The following WDFY4 variants were observed in gnomAD, a reference collection of about 807,000 sequenced individuals.
WDFY4 encodes WD repeat- and FYVE domain-containing protein 4.
WDFY4 carries 169 observed loss-of-function variants against 351.9 expected under a neutral mutation model. That is an observed-to-expected ratio of 0.48 (90% CI 0.42 to 0.55). The LOEUF (loss-of-function observed/expected upper bound fraction) is 0.55. Among genes scored for constraint, WDFY4 ranks in the 20% least tolerant of loss-of-function variants. The pLI, the probability that WDFY4 is intolerant of heterozygous loss-of-function variation, is 0.00. For synonymous variants in WDFY4, 1,622 were observed against 1,574.6 expected, an observed-to-expected ratio of 1.03 and a Z score of -0.71; for missense variants, 3,803 against 3,935.6, an observed-to-expected ratio of 0.97 and a Z score of 0.90.
At chr10:48,905,696 A>G (rs1244317522) in intron 47 of WDFY4, among the ~76,000 whole-genome samples, 1 of 152,230 alleles carries the variant, frequency 6.6e-6, no homozygotes, top group Non-Finnish European at 1.5e-5. Context: ...CAAAATGCGG[A>G]CACCCCGCAG....
intron 8 of WDFY4, among the ~76,000 whole-genome samples, chr10:48,730,333 TAAG>T (rs1451993001): frequency 1.3e-5 from 2 of 152,112 alleles, no homozygotes; most frequent in Non-Finnish European, 2.9e-5. Context: ...GAGTTCAGGT[TAAG>T]AAGGGCCATT....
chr10:48,788,211 T>C (rs2132724240), intron 20 of WDFY4, among the ~76,000 whole-genome samples: 1 of 151,994 alleles, frequency 6.6e-6, no homozygotes, highest in African/African-American at 2.4e-5. Context: ...GTACTTTTAG[T>C]AGAGACGAGA....
intron 47 of WDFY4, chr10:48,909,427 C>T (rs1016606585): frequency 2.0e-5 from 3 of 151,926 alleles, no homozygotes; most frequent in Non-Finnish European, 2.9e-5. Context: ...ATTGGAGTTG[C>T]TTGAGGTATC....
intron 43 of WDFY4, among the ~76,000 whole-genome samples, chr10:48,890,235 T>TC (rs2070635688): frequency 6.6e-6 from 1 of 152,236 alleles, no homozygotes; most frequent in African/African-American, 2.4e-5. Context: ...TGGTGAACTT[T>TC]CCTCACAGTT....
intron 23 of WDFY4, among the ~76,000 whole-genome samples, chr10:48,792,224 C>A (rs1324707475): frequency 1.3e-5 from 2 of 152,152 alleles, no homozygotes; most frequent in African/African-American, 4.8e-5. Context: ...AAGCACCCTC[C>A]TTCTGTTTTC....
At chr10:48,926,400 T>G (rs1839572606) in intron 47 of WDFY4, among the ~76,000 whole-genome samples, 1 of 152,204 alleles carries the variant, frequency 6.6e-6, no homozygotes, top group African/African-American at 2.4e-5. Context: ...GGAACTGCAA[T>G]GTCACCCCCT....
At chr10:48,720,537 A>C (rs1247612410) in intron 3 of WDFY4, among the ~76,000 whole-genome samples, 1 of 151,804 alleles carries the variant, frequency 6.6e-6, no homozygotes, top group African/African-American at 2.4e-5. Flanking sequence ...AGACACATAC[A>C]GAGACTACTC....
intron 39 of WDFY4, among the ~76,000 whole-genome samples, chr10:48,864,297 T>A (rs1371149214): frequency 6.6e-6 from 1 of 152,250 alleles, no homozygotes; most frequent in Non-Finnish European, 1.5e-5. Context: ...TTATTTTGCA[T>A]ATGGCTATTT....
At chr10:48,696,526 C>A (rs188613467) in intron 1 of WDFY4, among the ~76,000 whole-genome samples, 1 of 152,370 alleles carries the variant, frequency 6.6e-6, no homozygotes, top group African/African-American at 2.4e-5. Flanking sequence ...ATCTCTACGG[C>A]CCTGTCCTGA....
At chr10:48,751,625 G>A (rs2065185089) in intron 12 of WDFY4, among the ~76,000 whole-genome samples, 1 of 152,184 alleles carries the variant, frequency 6.6e-6, no homozygotes, top group Non-Finnish European at 1.5e-5. Flanking sequence ...GTGGCTGTCT[G>A]GAGTAATCAG....
rs2063951470 is a variant in WDFY4, at chr10:48,717,667, A to T, written c.235-2344A>T. On this transcript the variant is annotated intron_variant, in intron 2 of 61. Coordinates refer to ENST00000325239, the MANE Select transcript of WDFY4 (RefSeq NM_001394531.1). Reference sequence around the variant, plus strand: ...TTTTTATAGACTCATACTGTAATATACTTTTACAACTTGCTTTTTCCAGTC... The same window carrying T: ...TTTTTATAGACTCATACTGTAATATTCTTTTACAACTTGCTTTTTCCAGTC... 2.6e-5 allele frequency among the ~76,000 whole-genome samples: 4 copies of T among 152,314 alleles called. No homozygotes were observed. The South Asian group carries it at 8.3e-4, about 32-fold the overall frequency.
chr10:48,901,668 C>T (rs41283287), intron 46 of WDFY4, 133 bp from the exon 47 acceptor site: 33,334 of 939,588 alleles, frequency 0.035, 776 homozygotes, highest in Middle Eastern at 0.051. Context: ...CTGGTGTTCA[C>T]GACCTGGGGG....
At chr10:48,717,328 C>T (rs1337696941) in intron 2 of WDFY4, among the ~76,000 whole-genome samples, 2 of 152,244 alleles carry the variant, frequency 1.3e-5, no homozygotes, top group Non-Finnish European at 2.9e-5. Flanking sequence ...GTTGTTTTAG[C>T]AAAGTTCTAA....
intron 39 of WDFY4, among the ~76,000 whole-genome samples, chr10:48,849,045 G>A (rs1172742665): frequency 2.6e-5 from 4 of 152,142 alleles, no homozygotes; most frequent in Non-Finnish European, 5.9e-5. Flanking sequence ...CCATGCATGG[G>A]GGATCCCCTG....
chr10:48,704,085 C>A (rs1320505785), intron 1 of WDFY4, among the ~76,000 whole-genome samples: 2 of 152,176 alleles, frequency 1.3e-5, no homozygotes, highest in African/African-American at 4.8e-5. Flanking sequence ...AGACTCTGGG[C>A]TCCTGTGGGG....
intron 13 of WDFY4, among the ~76,000 whole-genome samples, chr10:48,772,815 C>G (rs11101472): frequency 0.26 from 38,852 of 146,934 alleles, 5,426 homozygotes; most frequent in East Asian, 0.47. Context: ...TTTGTTCTTG[C>G]GATAGTTTAC....
intron 6 of WDFY4, among the ~76,000 whole-genome samples, chr10:48,726,921 G>A (rs904700389): frequency 1.3e-5 from 2 of 152,116 alleles, no homozygotes; most frequent in African/African-American, 2.4e-5. Flanking sequence ...CCCTGGCTCC[G>A]CACCACTCTG....
chr10:48,818,614 T>C (rs2067703128), intron 32 of WDFY4, among the ~76,000 whole-genome samples: 1 of 152,154 alleles, frequency 6.6e-6, no homozygotes. Flanking sequence ...GAGCCAAAGT[T>C]TAAATCTCAC....
At chr10:48,882,193 C>T (rs1297389057) in intron 43 of WDFY4, among the ~76,000 whole-genome samples, 2 of 152,116 alleles carry the variant, frequency 1.3e-5, no homozygotes, top group Admixed American at 1.3e-4. Flanking sequence ...CTGGGGGAAC[C>T]TGGGTCTTGG....
Sources: allele counts gnomAD v4.1 joint callset (sites outside exome capture counted in the v4.1 genomes callset), GRCh38; gene constraint gnomAD v4.1.1; transcripts MANE v1.5; gene names NCBI Gene and HGNC (gene_info 2026-07-23, HGNC 2026-07-21).